The following MDM1 variants were observed in gnomAD, a reference collection of about 807,000 sequenced individuals.
The protein encoded by MDM1 is stabilizer of axonemal microtubules 6, also known as Mdm1 nuclear protein.
In MDM1, 61 loss-of-function variants were observed where a neutral mutation model predicts 89.1. The observed-to-expected ratio is 0.68, with a 90% CI of 0.56 to 0.85. The LOEUF is 0.85. Ranked by LOEUF, MDM1 falls within the 40% of genes least tolerant of loss-of-function variation. MDM1 has a pLI of 0.00. For synonymous variants in MDM1, 290 were observed against 294.1 expected, an observed-to-expected ratio of 0.99 and a Z score of 0.14; for missense variants, 820 against 846.5, an observed-to-expected ratio of 0.97 and a Z score of 0.39.
intron 12 of MDM1, among the ~76,000 whole-genome samples, chr12:68,303,889 T>C (rs1037305614): frequency 2.6e-5 from 4 of 152,356 alleles, no homozygotes; most frequent in African/African-American, 9.6e-5. Context: ...TTTGCTGTTT[T>C]CCACAATGAC....
At chr12:68,306,118 A>G (rs534862715) in intron 12 of MDM1, among the ~76,000 whole-genome samples, 9 of 152,172 alleles carry the variant, frequency 5.9e-5, no homozygotes, top group Non-Finnish European at 1.2e-4. Context: ...ATACACCTAC[A>G]GCTATCTGAT....
chr12:68,325,368 C>T, intron 4 of MDM1, 73 bp downstream of exon 4: 1 of 1,394,972 alleles, frequency 7.2e-7, no homozygotes, highest in Middle Eastern at 2.5e-4. Context: ...TCTTTCAACT[C>T]TTAATTCTAT....
chr12:68,326,555 C>T (rs17224845), intron 3 of MDM1, 102 bp downstream of exon 3: 238,258 of 1,610,000 alleles, frequency 0.15, 18,731 homozygotes, highest in Middle Eastern at 0.17. Flanking sequence ...AAGAAAACAA[C>T]AATGGAAAAT....
intron 2 of MDM1, 116 bp from the exon 3 acceptor site, chr12:68,327,137 C>T (rs183603564): frequency 1.4e-6 from 2 of 1,411,254 alleles, no homozygotes. Flanking sequence ...GATATATGTA[C>T]CTATATATAC....
intron 4 of MDM1, chr12:68,324,875 C>T: frequency 2.4e-6 from 1 of 414,508 alleles, no homozygotes; most frequent in Non-Finnish European, 3.2e-6. Context: ...TATCTCAATA[C>T]TAAAATTGTG....
intron 2 of MDM1, chr12:68,327,542 C>T: frequency 2.0e-6 from 3 of 1,516,306 alleles, no homozygotes; most frequent in Non-Finnish European, 2.7e-6. Flanking sequence ...GCCCTTTTAA[C>T]AACAGCTAAG....
intron 13 of MDM1, among the ~76,000 whole-genome samples, chr12:68,301,801 C>G (rs1872199382): frequency 6.6e-6 from 1 of 151,838 alleles, no homozygotes; most frequent in Non-Finnish European, 1.5e-5. Flanking sequence ...CATGCCTCAG[C>G]CTCCCAAGTA....
intron 2 of MDM1, among the ~76,000 whole-genome samples, chr12:68,330,536 G>A (rs139759263): frequency 2.4e-4 from 37 of 152,278 alleles, no homozygotes; most frequent in African/African-American, 8.7e-4. Flanking sequence ...TGGAGCATCA[G>A]TAAATTTACT....
chr12:68,321,467 G>C (rs772369541), intron 6 of MDM1, 21 bp from the exon 7 acceptor site: 14 of 1,609,686 alleles, frequency 8.7e-6, no homozygotes, highest in Middle Eastern at 1.7e-4. Context: ...TGAAATGAAA[G>C]TAAATATTTC....
At position 68,295,205 on chromosome 12, in the gene MDM1, A is replaced by C. The variant is rs1456508994; in HGVS notation, c.*49T>G. On this transcript the variant is annotated 3_prime_UTR_variant, in exon 15 of 15. Transcript: ENST00000682720. ...AAAAATTTTAACACAGTAAGCAATAAAGAAAAATTATGCCAATGTTTCCTT... is the reference window on the plus strand; with the variant it reads ...AAAAATTTTAACACAGTAAGCAATACAGAAAAATTATGCCAATGTTTCCTT... 17 of 1,276,328 alleles carry C rather than the reference A, an allele frequency of 1.3e-5. No homozygotes were observed. The highest frequency in any genetic ancestry group is 1.9e-5 in the Non-Finnish European group (17 of 904,640). 79.1% of individuals were successfully genotyped at this position (1,276,328 alleles called of 1,614,324 possible).
chr12:68,297,490 C>T (rs758581827), intron 13 of MDM1, among the ~76,000 whole-genome samples: 1 of 152,326 alleles, frequency 6.6e-6, no homozygotes, highest in Non-Finnish European at 1.5e-5. Context: ...AAGAAACAAC[C>T]AACTTGTTCC....
chr12:68,320,021 C>G (rs915968938), intron 7 of MDM1, among the ~76,000 whole-genome samples: 1 of 152,232 alleles, frequency 6.6e-6, no homozygotes, highest in Non-Finnish European at 1.5e-5. Flanking sequence ...AGAGAAAACA[C>G]AGTCTTCAAA....
At chr12:68,325,272 A>G (rs1283741000) in intron 4 of MDM1, 169 bp downstream of exon 4, 1 of 1,283,530 alleles carries the variant, frequency 7.8e-7, no homozygotes, top group Non-Finnish European at 9.9e-7. Context: ...TATTACTACC[A>G]TAAATCATAA....
In MDM1 at chr12:68,313,749, C is replaced by G; in HGVS notation, c.1534G>C (p.Asp512His). 8 of 1,609,498 alleles carry G rather than the reference C, an allele frequency of 5.0e-6. No homozygotes were observed. Among genetic ancestry groups the G allele is most frequent in the Non-Finnish European group, 6.8e-6 (8 of 1,175,994 alleles). Reference protein sequence around the residue: ...SKADKMKEGSDSSVSSEKGGR... With the variant: ...SKADKMKEGSHSSVSSEKGGR... Reference sequence around the variant, plus strand: ...CCTTTTTCTGAGGATACAGAAGAATCTGACCTATAAATTGAAACAATCTAT... The same window carrying G: ...CCTTTTTCTGAGGATACAGAAGAATGTGACCTATAAATTGAAACAATCTAT... Residue 512 changes from aspartate (D) to histidine (H), a missense_variant, in exon 11 of 15, where the codon GAT (aspartate) becomes CAT (histidine). Coordinates refer to ENST00000682720, the MANE Select transcript of MDM1 (RefSeq NM_001354969.2).
In MDM1 at chr12:68,332,348, C is replaced by A; in HGVS notation, c.-103G>T. The A allele has an allele frequency of 7.3e-7, 1 of 1,370,430 alleles. No individual in the cohort carries two copies. Among genetic ancestry groups the A allele is most frequent in the Non-Finnish European group, 9.8e-7 (1 of 1,024,210 alleles). The allele number at this position is 1,370,430 out of a possible 1,614,324, so 84.9% of individuals were successfully genotyped here. On this transcript the variant is annotated 5_prime_UTR_variant, in exon 1 of 15. Transcript: ENST00000682720. ...GTTCCCTAGCAAAGCCTCGGCCCGGCGTCCCCGACTACGCGCCGGCGCACT... is the reference window on the plus strand; with the variant it reads ...GTTCCCTAGCAAAGCCTCGGCCCGGAGTCCCCGACTACGCGCCGGCGCACT...
chr12:68,306,828 C>A (rs777051444), intron 12 of MDM1, among the ~76,000 whole-genome samples: 20 of 152,116 alleles, frequency 1.3e-4, no homozygotes, highest in Non-Finnish European at 1.6e-4. Flanking sequence ...ACCATTCAAC[C>A]CAGCAATCTC....
At chr12:68,303,978 C>T (rs1370223589) in intron 12 of MDM1, among the ~76,000 whole-genome samples, 7 of 152,176 alleles carry the variant, frequency 4.6e-5, no homozygotes, top group Non-Finnish European at 1.0e-4. Context: ...TGGCTCATGC[C>T]TGTAATCCTA....
At chr12:68,324,207 C>T (rs1283612496) in intron 4 of MDM1, among the ~76,000 whole-genome samples, 1 of 152,080 alleles carries the variant, frequency 6.6e-6, no homozygotes, top group Non-Finnish European at 1.5e-5. Context: ...TTCTACACAA[C>T]GCTTTCACTG....
intron 2 of MDM1, 131 bp from the exon 3 acceptor site, chr12:68,327,152 A>C: frequency 7.1e-7 from 1 of 1,402,328 alleles, no homozygotes; most frequent in Non-Finnish European, 9.3e-7. Context: ...ATATACACAC[A>C]ATATCCTTCA....
Sources: allele counts gnomAD v4.1 joint callset (sites outside exome capture counted in the v4.1 genomes callset), GRCh38; gene constraint gnomAD v4.1.1; transcripts MANE v1.5; gene names NCBI Gene and HGNC (gene_info 2026-07-23, HGNC 2026-07-21).